Variants in HSD17B2 observed in about 807,000 individuals in gnomAD.
HSD17B2 encodes 17-beta-hydroxysteroid dehydrogenase type 2.
HSD17B2 carries 32 observed loss-of-function variants against 26.9 expected under a neutral mutation model. That is an observed-to-expected ratio of 1.19 (90% confidence interval 0.90 to 1.60). The LOEUF (loss-of-function observed/expected upper bound fraction) is 1.60. Ranked by LOEUF, HSD17B2 falls within the 40% of genes most tolerant of loss-of-function variation. The pLI, the probability that HSD17B2 is intolerant of heterozygous loss-of-function variation, is 0.00. For missense variants in HSD17B2, 613 were observed against 468.6 expected (o/e 1.31, Z -2.85); for synonymous variants, 246 against 186.7 (o/e 1.32, Z -2.59).
chr16:82,061,031 C>G (rs1257581755), intron 1 of HSD17B2, among the ~76,000 whole-genome samples: 1 of 152,048 alleles, frequency 6.6e-6, no homozygotes, highest in African/African-American at 2.4e-5. Context: ...AAGACTGAGG[C>G]AGGTAGATCA....
Position 82,072,898 on chromosome 16 carries a change from A to G in HSD17B2, c.664+1771A>G, listed in dbSNP as rs117616958. Among the ~76,000 whole-genome samples, 17 of 152,306 alleles carry G rather than the reference A, an allele frequency of 1.1e-4. No individual in the cohort carries two copies. In the East Asian group the frequency reaches 3.3e-3, roughly 29 times the overall value. On this transcript the variant is annotated intron_variant, in intron 3 of 4. Coordinates refer to ENST00000199936, the MANE Select transcript of HSD17B2 (RefSeq NM_002153.3). Reference sequence around the variant, plus strand: ...TAGTGAGACCTCGTCTGTACAAAAAAATTAAGAAAAAAACAAACAAACCAG... The same window carrying G: ...TAGTGAGACCTCGTCTGTACAAAAAGATTAAGAAAAAAACAAACAAACCAG...
intron 2 of HSD17B2, among the ~76,000 whole-genome samples, chr16:82,069,924 T>C (rs8191159): frequency 0.15 from 22,444 of 152,082 alleles, 5,086 homozygotes; most frequent in African/African-American, 0.49. Context: ...TAAATCAGTC[T>C]CTAGGACGGG....
chr16:82,073,492 G>A (rs1337420858), intron 3 of HSD17B2, among the ~76,000 whole-genome samples: 1 of 151,974 alleles, frequency 6.6e-6, no homozygotes, highest in Non-Finnish European at 1.5e-5. Context: ...CCAAAGTTCT[G>A]GGCATATCTC....
Position 82,097,720 on chromosome 16 carries a change from A to G in HSD17B2, c.803-355A>G, listed in dbSNP as rs2955161. The stretch of plus-strand genomic sequence containing the variant: ...TTGGGAGGCCGAGGCAGGTGGACCA[A>G]TTGAGGTCAGGAGTTCAAGACCAGC... On this transcript the variant is annotated intron_variant, in intron 4 of 4. Transcript: ENST00000199936. 4.4e-3 allele frequency: 697 copies of G among 158,902 alleles called. 7 individuals are homozygous for G. The highest frequency in any genetic ancestry group is 0.016 in the African/African-American group (668 of 41,798). The allele number at this position is 158,902 out of a possible 1,614,324, so 9.8% of individuals were successfully genotyped here.
intron 3 of HSD17B2, among the ~76,000 whole-genome samples, chr16:82,074,147 A>G (rs1011030740): frequency 3.3e-5 from 5 of 152,224 alleles, no homozygotes; most frequent in African/African-American, 1.2e-4. Flanking sequence ...CTGGCTAGCC[A>G]TAGGCAGAAC....
chr16:82,096,674 A>G (rs528596023), intron 4 of HSD17B2: 1 of 152,166 alleles, frequency 6.6e-6, no homozygotes, highest in Non-Finnish European at 1.5e-5. Context: ...AATAGTCACC[A>G]AAAGATGAGT....
At chr16:82,097,729 AG>A (rs1597142461) in intron 4 of HSD17B2, 1 of 160,518 alleles carries the variant, frequency 6.2e-6, no homozygotes, top group African/African-American at 2.4e-5. Flanking sequence ...AATTGAGGTC[AG>A]GAGTTCAAGA....
intron 3 of HSD17B2, among the ~76,000 whole-genome samples, chr16:82,088,368 T>C (rs1258943857): frequency 6.6e-5 from 10 of 152,200 alleles, no homozygotes; most frequent in Non-Finnish European, 1.2e-4. Flanking sequence ...ATTATTAATT[T>C]AACTTTCGCA....
intron 2 of HSD17B2, among the ~76,000 whole-genome samples, chr16:82,068,834 C>T (rs1456327532): frequency 6.6e-6 from 1 of 152,186 alleles, no homozygotes; most frequent in Non-Finnish European, 1.5e-5. Context: ...CTTCAATTTG[C>T]CGTTGGCTCT....
intron 3 of HSD17B2, among the ~76,000 whole-genome samples, chr16:82,082,713 T>A (rs1016170845): frequency 3.9e-5 from 6 of 152,196 alleles, no homozygotes; most frequent in Non-Finnish European, 7.4e-5. Context: ...TCAGAGCTGA[T>A]GTTAAAACGC....
In HSD17B2 at chr16:82,081,364, A is replaced by G. The variant is rs113028312; in HGVS notation, c.665-9538A>G. On this transcript the variant is annotated intron_variant, in intron 3 of 4. Transcript: ENST00000199936. ...CCTTTCCTCCTTCCTCCTCCCCACT[A>G]ACTCCTTCTCTCTCCCTGGGCCTTT... Among the ~76,000 whole-genome samples, 17 of 151,946 alleles carry G rather than the reference A, an allele frequency of 1.1e-4. 1 individual carries two copies. The highest frequency in any genetic ancestry group is 4.1e-4 in the African/African-American group (17 of 41,468).
chr16:82,041,292 T>C (rs1913759293), intron 1 of HSD17B2, among the ~76,000 whole-genome samples: 1 of 152,218 alleles, frequency 6.6e-6, no homozygotes, highest in Non-Finnish European at 1.5e-5. Flanking sequence ...GGGTGAAACG[T>C]CCTCTCCTTT....
intron 1 of HSD17B2, among the ~76,000 whole-genome samples, chr16:82,041,612 C>A (rs1055097382): frequency 5.9e-5 from 9 of 152,236 alleles, no homozygotes; most frequent in African/African-American, 2.2e-4. Context: ...ATCACCAGAG[C>A]TTGACTTCTG....
chr16:82,059,797 A>T (rs1447841660), intron 1 of HSD17B2, among the ~76,000 whole-genome samples: 5 of 152,164 alleles, frequency 3.3e-5, no homozygotes, highest in South Asian at 2.1e-4. Context: ...CCCGTTGTGT[A>T]GCTTTGGGCA....
At chr16:82,094,276 T>A (rs1904775389) in intron 4 of HSD17B2, 2 of 152,208 alleles carry the variant, frequency 1.3e-5, no homozygotes. Flanking sequence ...AAAGAATGAC[T>A]AGATCATAGA....
intron 3 of HSD17B2, among the ~76,000 whole-genome samples, chr16:82,083,162 C>G (rs931879618): frequency 1.3e-5 from 2 of 152,220 alleles, no homozygotes; most frequent in Non-Finnish European, 2.9e-5. Context: ...TCTAAATACA[C>G]TCCTACGGGT....
intron 1 of HSD17B2, among the ~76,000 whole-genome samples, chr16:82,052,015 T>C (rs533866223): frequency 6.6e-6 from 1 of 152,352 alleles, no homozygotes; most frequent in African/African-American, 2.4e-5. Flanking sequence ...AGGATCACAC[T>C]GTGCCGTCAG....
At chr16:82,043,039 T>C (rs1209373986) in intron 1 of HSD17B2, among the ~76,000 whole-genome samples, 2 of 152,242 alleles carry the variant, frequency 1.3e-5, no homozygotes, top group Admixed American at 6.5e-5. Context: ...AAGAAACTTT[T>C]CTCTTGCTTA....
chr16:82,077,221 C>G (rs1159877457), intron 3 of HSD17B2, among the ~76,000 whole-genome samples: 1 of 152,130 alleles, frequency 6.6e-6, no homozygotes, highest in Non-Finnish European at 1.5e-5. Context: ...ATATCCTGAG[C>G]AGAAAGAACA....
Sources: allele counts gnomAD v4.1 joint callset (sites outside exome capture counted in the v4.1 genomes callset), GRCh38; gene constraint gnomAD v4.1.1; transcripts MANE v1.5; gene names NCBI Gene and HGNC (gene_info 2026-07-23, HGNC 2026-07-21).